Variants in ADORA2B observed in about 807,000 individuals in gnomAD.
ADORA2B encodes adenosine A2b receptor.
ADORA2B carries 18 observed loss-of-function variants against 20.8 expected under a neutral mutation model. The ratio of observed to expected loss-of-function variants is 0.87; its 90% CI spans 0.60 to 1.29. The LOEUF (loss-of-function observed/expected upper bound fraction) is 1.29. Among genes scored for constraint, ADORA2B ranks in the 50% most tolerant of loss-of-function variants. The pLI, the probability that ADORA2B is intolerant of heterozygous loss-of-function variation, is 0.00. For missense variants in ADORA2B, 441 were observed against 422.7 expected (o/e 1.04, Z -0.38); for synonymous variants, 179 against 178.3 (o/e 1.00, Z -0.03).
At chr17:15,966,877 C>T (rs1970125005) in intron 1 of ADORA2B, among the ~76,000 whole-genome samples, 2 of 152,228 alleles carry the variant, frequency 1.3e-5, no homozygotes, top group South Asian at 4.1e-4. Flanking sequence ...GGGCGGTTGT[C>T]CTGCTTCCCT....
the ADORA2B span, among the ~76,000 whole-genome samples, chr17:15,870,540 G>C: frequency 6.6e-6 from 1 of 151,298 alleles, no homozygotes; most frequent in African/African-American, 2.4e-5. Flanking sequence ...TTGAGCCCAG[G>C]AGGCAGAGGT....
At chr17:15,973,022 A>G (rs1446140798) in intron 1 of ADORA2B, among the ~76,000 whole-genome samples, 6 of 152,170 alleles carry the variant, frequency 3.9e-5, no homozygotes, top group Non-Finnish European at 8.8e-5. Flanking sequence ...AAAAAATTTA[A>G]TATTTGCTAT....
At chr17:15,950,912 T>G (rs1969893118) in intron 1 of ADORA2B, among the ~76,000 whole-genome samples, 2 of 152,234 alleles carry the variant, frequency 1.3e-5, no homozygotes, top group African/African-American at 4.8e-5. Context: ...GTTATCCCAT[T>G]AAACCATGTC....
At chr17:15,861,215 CAATACTA>C in the ADORA2B span, among the ~76,000 whole-genome samples, 19 of 152,272 alleles carry the variant, frequency 1.2e-4, no homozygotes, top group South Asian at 3.7e-3. Context: ...TGTAAAAAGA[CAATACTA>C]AATAGGCAAA....
At chr17:15,942,635 G>A (rs1969754575), upstream of ADORA2B, among the ~76,000 whole-genome samples, 1 of 152,122 alleles carries the variant, frequency 6.6e-6, no homozygotes, top group Non-Finnish European at 1.5e-5. Flanking sequence ...CAGCTGCAGG[G>A]CGTGCAGGAA....
the ADORA2B span, among the ~76,000 whole-genome samples, chr17:15,917,219 G>A: frequency 6.6e-6 from 1 of 152,212 alleles, no homozygotes; most frequent in African/African-American, 2.4e-5. Context: ...CGGGAGAATC[G>A]CTTGAACCCG....
intron 1 of ADORA2B, among the ~76,000 whole-genome samples, chr17:15,964,977 G>T (rs2324082): frequency 6.6e-6 from 1 of 151,762 alleles, no homozygotes; most frequent in Non-Finnish European, 1.5e-5. Flanking sequence ...GGAGAATGGC[G>T]TGAACCCGGG....
At chr17:15,899,013 T>G in the ADORA2B span, among the ~76,000 whole-genome samples, 1 of 152,050 alleles carries the variant, frequency 6.6e-6, no homozygotes, top group Non-Finnish European at 1.5e-5. Flanking sequence ...GCAGATCACT[T>G]GAGTCCAGGA....
intron 1 of ADORA2B, among the ~76,000 whole-genome samples, chr17:15,963,441 T>C (rs1970064108): frequency 6.6e-6 from 1 of 152,212 alleles, no homozygotes; most frequent in South Asian, 2.1e-4. Flanking sequence ...CTGATGCTTT[T>C]GACAGTTAAT....
chr17:15,945,077 CG>C (rs780026629), upstream of ADORA2B: 7 of 461,584 alleles, frequency 1.5e-5, no homozygotes, highest in Admixed American at 4.7e-5. Flanking sequence ...CTCTTGGCCG[CG>C]GGGGGCCCCG....
the ADORA2B span, among the ~76,000 whole-genome samples, chr17:15,936,856 T>C: frequency 1.3e-5 from 2 of 152,132 alleles, no homozygotes; most frequent in African/African-American, 2.4e-5. Context: ...CTCAGGAGGC[T>C]AAGACAAAAG....
the ADORA2B span, among the ~76,000 whole-genome samples, chr17:15,858,275 G>A: frequency 6.6e-6 from 1 of 151,940 alleles, no homozygotes; most frequent in Non-Finnish European, 1.5e-5. Flanking sequence ...TTTTTTCTGG[G>A]TTTTGATGAT....
the ADORA2B span, among the ~76,000 whole-genome samples, chr17:15,881,795 G>A: frequency 5.5e-4 from 84 of 152,230 alleles, no homozygotes; most frequent in Admixed American, 2.0e-3. Context: ...TCTTCTCTCC[G>A]TAGCCCCTAC....
chr17:15,880,144 G>T, the ADORA2B span, among the ~76,000 whole-genome samples: 1 of 142,998 alleles, frequency 7.0e-6, no homozygotes, highest in East Asian at 2.0e-4. Flanking sequence ...CTCAGTGGCA[G>T]ATCCAGTGTC....
intron 1 of ADORA2B, among the ~76,000 whole-genome samples, chr17:15,951,115 C>T (rs548220334): frequency 3.3e-5 from 5 of 152,322 alleles, no homozygotes; most frequent in African/African-American, 7.2e-5. Context: ...AGGGAGGGTC[C>T]GAGACAGCAG....
upstream of ADORA2B, chr17:15,944,973 G>A (rs979530961): frequency 1.9e-5 from 5 of 260,064 alleles, no homozygotes; most frequent in African/African-American, 1.1e-4. This position sits in a 1 kb window ranked among gnomAD's most constrained non-coding sequence, Gnocchi z 4.8. Context: ...CTGGACCGGA[G>A]GGGCCCCGCG....
chr17:15,904,974 A>G, the ADORA2B span, among the ~76,000 whole-genome samples: 2 of 152,176 alleles, frequency 1.3e-5, no homozygotes, highest in Non-Finnish European at 2.9e-5. Context: ...AAAATCTTGA[A>G]ATCTAGTCTT....
At chr17:15,946,797 C>A (rs545006601) in intron 1 of ADORA2B, among the ~76,000 whole-genome samples, 1 of 152,262 alleles carries the variant, frequency 6.6e-6, no homozygotes, top group South Asian at 2.1e-4. Context: ...CACCGTGTCC[C>A]CACCCATGCC....
the ADORA2B span, among the ~76,000 whole-genome samples, chr17:15,865,646 C>T: frequency 6.6e-6 from 1 of 152,218 alleles, no homozygotes; most frequent in South Asian, 2.1e-4. Flanking sequence ...CGCCAGCTCC[C>T]ACAGACCTTT....
Sources: allele counts gnomAD v4.1 joint callset (sites outside exome capture counted in the v4.1 genomes callset), GRCh38; gene constraint gnomAD v4.1.1; non-coding constraint Gnocchi (gnomAD v3.1); transcripts MANE v1.5; gene names NCBI Gene and HGNC (gene_info 2026-07-23, HGNC 2026-07-21).